Variants in ADAM28 observed in about 807,000 individuals in gnomAD.
ADAM28 encodes disintegrin and metalloproteinase domain-containing protein 28.
In ADAM28, 105 loss-of-function variants were observed where a neutral mutation model predicts 101.2. The observed-to-expected ratio is 1.04, with a 90% CI of 0.89 to 1.22. The LOEUF is 1.22. ADAM28 is among the 50% of genes most tolerant of loss of function. The pLI is 0.00. For missense variants in ADAM28, 1,028 were observed against 945.4 expected (o/e 1.09, Z -1.15); for synonymous variants, 322 against 310.6 (o/e 1.04, Z -0.39).
chr8:24,319,046 TCTC>T (rs1357685313), intron 6 of ADAM28, among the ~76,000 whole-genome samples: 8 of 151,918 alleles, frequency 5.3e-5, no homozygotes, highest in Non-Finnish European at 1.0e-4. Flanking sequence ...ACCTCTCTGG[TCTC>T]CTCCTACTCT....
chr8:24,325,739 T>C (rs1405756639), intron 9 of ADAM28, among the ~76,000 whole-genome samples: 2 of 151,472 alleles, frequency 1.3e-5, no homozygotes, highest in East Asian at 3.9e-4. Context: ...AAACTCTCTA[T>C]TTTTAGTATT....
chr8:24,318,602 C>T (rs1811473647), intron 6 of ADAM28, among the ~76,000 whole-genome samples: 1 of 151,874 alleles, frequency 6.6e-6, no homozygotes, highest in Non-Finnish European at 1.5e-5. Flanking sequence ...CCCAAAAGAA[C>T]TACCAATTTC....
At chr8:24,339,302 C>T (rs1232482159) in intron 14 of ADAM28, among the ~76,000 whole-genome samples, 164 bp from the exon 15 acceptor site, 1 of 152,162 alleles carries the variant, frequency 6.6e-6, no homozygotes, top group Non-Finnish European at 1.5e-5. Context: ...GCCTATGTTT[C>T]TAGGAGTGGT....
At chr8:24,323,324 T>C (rs1812126444) in intron 8 of ADAM28, among the ~76,000 whole-genome samples, 1 of 151,928 alleles carries the variant, frequency 6.6e-6, no homozygotes, top group African/African-American at 2.4e-5. Flanking sequence ...ACATGAATTT[T>C]GGGGGACACA....
At chr8:24,304,871 C>T (rs1001025757) in intron 2 of ADAM28, among the ~76,000 whole-genome samples, 6 of 149,934 alleles carry the variant, frequency 4.0e-5, no homozygotes, top group African/African-American at 1.2e-4. Context: ...GCTGAGATCA[C>T]GTCATTTGCA....
intron 18 of ADAM28, among the ~76,000 whole-genome samples, chr8:24,347,926 T>C (rs1367014658): frequency 1.3e-5 from 2 of 152,180 alleles, no homozygotes; most frequent in Non-Finnish European, 2.9e-5. Flanking sequence ...TTTTTTCTTT[T>C]ATTAAAGAAA....
chr8:24,335,681 A>G lies in ADAM28; in HGVS notation c.1567+40A>G, dbSNP rs560143523. The G allele has an allele frequency of 3.2e-5, 49 of 1,511,220 alleles. No homozygotes were observed. In the South Asian group the frequency reaches 6.0e-4, roughly 18 times the overall value. The allele number at this position is 1,511,220 out of a possible 1,614,324, so 93.6% of individuals were successfully genotyped here. ...CCTTTCCCCTGTGCATGTGCGAAGG[A>G]AAATCATTTCAGATGACAGTGTTTA... On this transcript the variant is annotated intron_variant, in intron 14 of 22. Transcript: ENST00000265769.
intron 18 of ADAM28, chr8:24,346,910 TA>T (rs984387780): frequency 6.6e-6 from 1 of 152,076 alleles, no homozygotes; most frequent in Admixed American, 6.6e-5. Flanking sequence ...TCCATGTGTA[TA>T]AAGTTTTTAA....
chr8:24,304,195 G>A lies in ADAM28; in HGVS notation c.150+4118G>A, dbSNP rs150249285. On this transcript the variant is annotated intron_variant, in intron 2 of 22. Coordinates refer to ENST00000265769, the MANE Select transcript of ADAM28 (RefSeq NM_014265.6). Reference sequence around the variant, plus strand: ...GTTTTGAATATATATTTTGATTAACGAAAGCCATAGACTAGTTACTGGCTC... The same window carrying A: ...GTTTTGAATATATATTTTGATTAACAAAAGCCATAGACTAGTTACTGGCTC... Among the ~76,000 whole-genome samples, 9 of 148,996 alleles carry A rather than the reference G, an allele frequency of 6.0e-5. No homozygotes were observed. In the East Asian group the frequency reaches 7.8e-4, roughly 13 times the overall value.
Position 24,329,897 on chromosome 8 carries a change from G to GAT in ADAM28, c.973-87_973-86insTA, listed in dbSNP as rs377138075. The GAT allele has an allele frequency of 2.1e-4, 275 of 1,330,350 alleles. 1 individual carries two copies. The highest frequency in any genetic ancestry group is 2.9e-4 in the East Asian group (12 of 41,994). The allele number at this position is 1,330,350 out of a possible 1,614,324, so 82.4% of individuals were successfully genotyped here. A position where few individuals can be genotyped will look rare whatever the true frequency, so the allele number is the denominator to read the frequency against. On this transcript the variant is annotated intron_variant, in intron 10 of 22. Transcript: ENST00000265769. ...TGTGTGTGTGTGTGTGAGAGAGAGA[G>GAT]AGAGAGAGAGAGAGAGAGATGGCAA...
rs1046231381 is a variant in ADAM28, at chr8:24,294,077, G to C, written c.-73G>C. On this transcript the variant is annotated 5_prime_UTR_variant, in exon 1 of 23. Transcript: ENST00000265769. ...GAGTTTCATTCTGTCTCACTGGAGA[G>C]GAGGCAGGGACAGACCCAGCAGCAC... The C allele has an allele frequency of 1.3e-6, 2 of 1,492,968 alleles. No homozygotes were observed. Among genetic ancestry groups the C allele is most frequent in the Admixed American group, 1.7e-5 (1 of 59,480 alleles). The allele number at this position is 1,492,968 out of a possible 1,614,324, so 92.5% of individuals were successfully genotyped here. A position where few individuals can be genotyped will look rare whatever the true frequency, so the allele number is the denominator to read the frequency against.
chr8:24,321,543 C>T, intron 8 of ADAM28: 1 of 430,914 alleles, frequency 2.3e-6, no homozygotes, highest in East Asian at 4.5e-5. Flanking sequence ...TACATGGGTG[C>T]ATTGTATTTT....
At chr8:24,346,179 T>C (rs1047906710) in intron 18 of ADAM28, among the ~76,000 whole-genome samples, 4 of 152,134 alleles carry the variant, frequency 2.6e-5, no homozygotes, top group African/African-American at 7.2e-5. Context: ...CATTAAATTC[T>C]AAAGTTAGTT....
chr8:24,313,338 C>G, intron 5 of ADAM28, 50 bp from the exon 6 acceptor site: 1 of 1,524,364 alleles, frequency 6.6e-7, no homozygotes, highest in Non-Finnish European at 8.8e-7. Flanking sequence ...TCTGTATGAA[C>G]CTAATGCAAC....
rs5890146 is a variant in ADAM28, at chr8:24,325,871, C to CAAAAAAAAAAAAAAAAAAAAAAAAAAAA, written c.891-681_891-654dup. Among the ~76,000 whole-genome samples, 5 of 20,416 alleles carry CAAAAAAAAAAAAAAAAAAAAAAAAAAAA rather than the reference C, an allele frequency of 2.4e-4. 1 individual carries two copies. The highest frequency in any genetic ancestry group is 4.4e-4 in the African/African-American group (2 of 4,534). The allele number at this position is 20,416 out of a possible 152,430, so 13.4% of individuals were successfully genotyped here. A position where few individuals can be genotyped will look rare whatever the true frequency, so the allele number is the denominator to read the frequency against. ...AAGGGCCAGGATCTTGTACAGATAG[C>CAAAAAAAAAAAAAAAAAAAAAAAAAAAA]AAAAAAAAAAAAAAAAAAAAAAAAA... On this transcript the variant is annotated intron_variant, in intron 9 of 22. Coordinates refer to ENST00000265769, the MANE Select transcript of ADAM28 (RefSeq NM_014265.6).
intron 15 of ADAM28, 23 bp downstream of exon 15, chr8:24,339,591 T>A: frequency 6.3e-7 from 1 of 1,579,798 alleles, no homozygotes; most frequent in Non-Finnish European, 8.7e-7. Flanking sequence ...GTCTGAACCT[T>A]CCTGCTTCAC....
chr8:24,313,498 A>G lies in ADAM28; in HGVS notation c.494A>G (p.Tyr165Cys). 6.2e-7 allele frequency: 1 copy of G among 1,613,944 alleles called. No homozygotes were observed. The highest frequency in any genetic ancestry group is 8.5e-7 in the Non-Finnish European group (1 of 1,179,880). The change falls in exon 6 of 23, where the codon TAT becomes TGT. Residue 165 changes from tyrosine to cysteine, a missense_variant. Transcript: ENST00000265769. ...AAGTATAACCCTGATGAAAAGAATT[A>G]TGACAGCACCTGTGGGATGGATGGT... is the stretch of plus-strand genomic sequence containing the variant. ...LFKYNPDEKN[Y>C]DSTCGMDGVL...
intron 15 of ADAM28, chr8:24,341,046 T>C (rs1814702713): frequency 6.6e-6 from 1 of 152,360 alleles, no homozygotes; most frequent in South Asian, 2.1e-4. Flanking sequence ...TAGTGGAGAC[T>C]TGGGCTTTCT....
Position 24,300,030 on chromosome 8 carries a change from A to G in ADAM28, c.103A>G (p.Arg35Gly). The G allele has an allele frequency of 6.2e-7, 1 of 1,613,818 alleles. No individual in the cohort carries two copies. Among genetic ancestry groups the G allele is most frequent in the Non-Finnish European group, 8.5e-7 (1 of 1,180,004 alleles). The change falls in exon 2 of 23, where the codon AGA becomes GGA. Residue 35 changes from arginine (R) to glycine (G), a missense_variant. By Grantham distance (125) the Arg-to-Gly change is moderately radical (BLOSUM62 -2). Transcript: ENST00000265769. Reference sequence around the variant, plus strand: ...GAAGTATGAAGTGGTTTATCCTATAAGACTTCATCCACTGCATAAAAGAGA... The same window carrying G: ...GAAGTATGAAGTGGTTTATCCTATAGGACTTCATCCACTGCATAAAAGAGA... ...VKKYEVVYPI[R>G]LHPLHKREAK...
Sources: allele counts gnomAD v4.1 joint callset (sites outside exome capture counted in the v4.1 genomes callset), GRCh38; gene constraint gnomAD v4.1.1; transcripts MANE v1.5; gene names NCBI Gene and HGNC (gene_info 2026-07-23, HGNC 2026-07-21).